ZNF445: variants seen among roughly 807,000 people sequenced by gnomAD.
ZNF445 encodes zinc finger protein 445, also known as zinc finger protein 168.
A neutral mutation model predicts 93.9 loss-of-function variants in ZNF445; 19 were observed. The observed-to-expected ratio is 0.20, with a 90% CI of 0.14 to 0.30. The LOEUF is 0.30. Ranked by LOEUF, ZNF445 falls within the 10% of genes least tolerant of loss-of-function variation. ZNF445 has a pLI of 1.00. For synonymous variants in ZNF445, 449 were observed against 446.3 expected (o/e 1.01, Z -0.08); for missense variants, 1,058 against 1,259.4 (o/e 0.84, Z 2.42).
intron 4 of ZNF445, 120 bp from the exon 5 acceptor site, chr3:44,451,082 C>T: frequency 4.9e-6 from 5 of 1,017,890 alleles, no homozygotes; most frequent in Middle Eastern, 2.9e-4. Context: ...TTGTTAAATA[C>T]CCATCTCACA....
At chr3:44,450,634 G>C in intron 5 of ZNF445, 61 bp from the exon 6 acceptor site, 5 of 1,582,800 alleles carry the variant, frequency 3.2e-6, no homozygotes, top group Non-Finnish European at 4.3e-6. Context: ...TGGAAAGGGA[G>C]AGAAGGGGAA....
At position 44,438,506 on chromosome 3, in the gene ZNF445, C is replaced by T. The variant is rs1697736339; in HGVS notation, c.*8069G>A. 1 of 151,952 alleles carries T rather than the reference C, an allele frequency of 6.6e-6. No individual in the cohort carries two copies. Among genetic ancestry groups the T allele is most frequent in the African/African-American group, 2.4e-5 (1 of 41,328 alleles). 9.4% of individuals were successfully genotyped at this position (151,952 alleles called of 1,614,324 possible). A position where few individuals can be genotyped will look rare whatever the true frequency, so the allele number is the denominator to read the frequency against. Reference sequence around the variant, plus strand: ...AGAGACGGGGTTTCACCGCGTTAGCCAGCATGGTCTCGATCTCTTGACCTC... The same window carrying T: ...AGAGACGGGGTTTCACCGCGTTAGCTAGCATGGTCTCGATCTCTTGACCTC... On this transcript the variant is annotated 3_prime_UTR_variant, in exon 8 of 8. Coordinates refer to ENST00000396077, the MANE Select transcript of ZNF445 (RefSeq NM_181489.6).
At chr3:44,473,714 A>C (rs1698304897) in intron 1 of ZNF445, among the ~76,000 whole-genome samples, 1 of 136,664 alleles carries the variant, frequency 7.3e-6, no homozygotes, top group African/African-American at 2.7e-5. Flanking sequence ...GCCAGAAAAC[A>C]AAAACTAAGG....
rs1323224146 is a variant in ZNF445 at position 44,440,121 on chromosome 3, G to A, written c.*6454C>T. On this transcript the variant is annotated 3_prime_UTR_variant, in exon 8 of 8. Coordinates refer to ENST00000396077, the MANE Select transcript of ZNF445 (RefSeq NM_181489.6). ...GCAGTTGCTACCTCCAAGACACCTT[G>A]GCATTTTCTTCTTGCCTTTTTAGCT... 1.3e-5 allele frequency: 2 copies of A among 152,130 alleles called. No homozygotes were observed. Among genetic ancestry groups the A allele is most frequent in the African/African-American group, 4.8e-5 (2 of 41,406 alleles). The allele number at this position is 152,130 out of a possible 1,614,324, so 9.4% of individuals were successfully genotyped here. A position where few individuals can be genotyped will look rare whatever the true frequency, so the allele number is the denominator to read the frequency against.
chr3:44,458,012 C>T (rs1212150799), intron 2 of ZNF445, among the ~76,000 whole-genome samples: 1 of 94,046 alleles, frequency 1.1e-5, no homozygotes, highest in East Asian at 3.0e-4. Context: ...GACTCCGTCT[C>T]AAAAAAAAAA....
At chr3:44,457,942 G>A (rs1444384814) in intron 2 of ZNF445, among the ~76,000 whole-genome samples, 2 of 150,988 alleles carry the variant, frequency 1.3e-5, no homozygotes, top group Non-Finnish European at 2.9e-5. Flanking sequence ...GAAGCTGGGC[G>A]GTAGAGGTTA....
chr3:44,448,143 CTT>C lies in ZNF445; in HGVS notation c.1526_1527del (p.Gln509ArgfsTer5). On this transcript the variant is annotated frameshift_variant, in exon 8 of 8. Coordinates refer to ENST00000396077, the MANE Select transcript of ZNF445 (RefSeq NM_181489.6). LOFTEE classifies it high-confidence loss of function. ...CACACCCTACATTTAAATGCTTTCT[CTT>C]GAGTGTGAAGTCTCTGATGATACGC... ...HLAYHQRLHT[Q>X]EKAFKCRVCG... 1.2e-6 allele frequency: 2 copies of C among 1,614,182 alleles called. No individual in the cohort carries two copies. The highest frequency in any genetic ancestry group is 1.1e-5 in the South Asian group (1 of 91,086).
At chr3:44,449,453 T>C in intron 7 of ZNF445, 60 bp downstream of exon 7, 2 of 1,361,178 alleles carry the variant, frequency 1.5e-6, no homozygotes, top group South Asian at 2.3e-5. Context: ...GTAACTGACC[T>C]TAAGAAAGAG....
At chr3:44,463,011 T>TTGTG (rs61329186) in intron 1 of ZNF445, among the ~76,000 whole-genome samples, 434 of 144,550 alleles carry the variant, frequency 3.0e-3, no homozygotes, top group African/African-American at 4.4e-3. Context: ...ATTTTTTTCT[T>TTGTG]TGTGTGTGTG....
chr3:44,470,286 CAAT>C (rs1178922105), intron 1 of ZNF445, among the ~76,000 whole-genome samples: 1 of 152,178 alleles, frequency 6.6e-6, no homozygotes, highest in Non-Finnish European at 1.5e-5. Flanking sequence ...CTTTTCCCAA[CAAT>C]AACAAAAATA....
At chr3:44,477,445 T>TCCACCGCCAGA (rs1378712291) in intron 1 of ZNF445, 146 bp downstream of exon 1, 2 of 151,140 alleles carry the variant, frequency 1.3e-5, no homozygotes, top group Admixed American at 6.6e-5. Context: ...GGGGGCGGGA[T>TCCACCGCCAGA]CCACCGCCAG....
In ZNF445 at chr3:44,441,738, C is replaced by T. The variant is rs1248244925; in HGVS notation, c.*4837G>A. On this transcript the variant is annotated 3_prime_UTR_variant, in exon 8 of 8. Transcript: ENST00000396077. ...TAAAAATCTTAACATTGTGATGCCT[C>T]TGCATCAATTTTTAGAAAAAAACAA... 1 of 152,200 alleles carries T rather than the reference C, an allele frequency of 6.6e-6. No homozygotes were observed. The highest frequency in any genetic ancestry group is 6.5e-5 in the Admixed American group (1 of 15,280). 9.4% of individuals were successfully genotyped at this position (152,200 alleles called of 1,614,324 possible).
chr3:44,471,112 C>G (rs1698262892), intron 1 of ZNF445, among the ~76,000 whole-genome samples: 1 of 152,126 alleles, frequency 6.6e-6, no homozygotes, highest in Non-Finnish European at 1.5e-5. Flanking sequence ...GCAGTGCTGC[C>G]ATTAATGTTC....
chr3:44,458,605 A>C (rs1361277671), intron 1 of ZNF445, among the ~76,000 whole-genome samples: 1 of 152,130 alleles, frequency 6.6e-6, no homozygotes, highest in African/African-American at 2.4e-5. Context: ...AGAGTGATAA[A>C]GGTAAGACAG....
chr3:44,466,608 G>C (rs185276382), intron 1 of ZNF445, among the ~76,000 whole-genome samples: 2 of 152,148 alleles, frequency 1.3e-5, no homozygotes, highest in East Asian at 3.9e-4. Flanking sequence ...TTTAACTGTG[G>C]CTGCCCTAAA....
rs879444579 is a variant in ZNF445, at chr3:44,433,126, C to CT, written c.*13448dup. Reference sequence around the variant, plus strand: ...TCCTGGGATGCTAAGGGTCATCGTTCTTTTTTTTTTTTTTTCCCGCTCTGT... The same window carrying CT: ...TCCTGGGATGCTAAGGGTCATCGTTCTTTTTTTTTTTTTTTTCCCGCTCTGT... On this transcript the variant is annotated 3_prime_UTR_variant, in exon 8 of 8. Transcript: ENST00000396077. 1,907 of 142,126 alleles carry CT rather than the reference C, an allele frequency of 0.013. 14 individuals are homozygous for CT. Among genetic ancestry groups the CT allele is most frequent in the Middle Eastern group, 0.03 (8 of 266 alleles). 8.8% of individuals were successfully genotyped at this position (142,126 alleles called of 1,614,324 possible). A position where few individuals can be genotyped will look rare whatever the true frequency, so the allele number is the denominator to read the frequency against.
At chr3:44,458,627 A>C (rs1698064689) in intron 1 of ZNF445, among the ~76,000 whole-genome samples, 1 of 152,090 alleles carries the variant, frequency 6.6e-6, no homozygotes, top group African/African-American at 2.4e-5. Flanking sequence ...CTTTTGTTAT[A>C]ATATTGGTGC....
In ZNF445 at chr3:44,447,944, G is replaced by T; in HGVS notation, c.1727C>A (p.Ala576Glu). The change falls in exon 8 of 8, where the codon GCA becomes GAA. Residue 576 changes from alanine (A) to glutamate (E), a missense_variant. Physicochemically the swap from Ala to Glu is moderately radical, Grantham distance 107. This residue lies in a region of ZNF445 where 657 missense variants were observed against 746.4 expected (regional missense o/e 0.88). Coordinates refer to ENST00000396077, the MANE Select transcript of ZNF445 (RefSeq NM_181489.6). The surrounding 1 kb of genome is among the most constrained non-coding windows in gnomAD (Gnocchi z 4.7). ...KKFLELNQYR[A>E]ALTYSSGFDH... ...AAACCCTGAGCTGTAGGTGAGAGCT[G>T]CCCTATACTGATTCAATTCAAGAAA... 1 of 1,613,362 alleles carries T rather than the reference G, an allele frequency of 6.2e-7. No homozygotes were observed. Among genetic ancestry groups the T allele is most frequent in the Non-Finnish European group, 8.5e-7 (1 of 1,179,996 alleles).
intron 1 of ZNF445, among the ~76,000 whole-genome samples, chr3:44,462,180 C>T (rs557198664): frequency 1.2e-4 from 18 of 152,128 alleles, no homozygotes; most frequent in Non-Finnish European, 2.5e-4. Context: ...TTTAGGACCC[C>T]TATAAGTCCA....
Sources: allele counts gnomAD v4.1 joint callset (sites outside exome capture counted in the v4.1 genomes callset), GRCh38; gene constraint gnomAD v4.1.1; regional missense constraint gnomAD v4.1.1; non-coding constraint Gnocchi (gnomAD v3.1); transcripts MANE v1.5; gene names NCBI Gene and HGNC (gene_info 2026-07-23, HGNC 2026-07-21).